The following DDX60 variants were observed in gnomAD, a reference collection of about 807,000 sequenced individuals.
The protein encoded by DDX60 is DExD/H-box helicase 60.
Under a neutral mutation model 212.8 loss-of-function variants are expected in DDX60, and 165 were observed. The observed-to-expected ratio is 0.78, with a 90% CI of 0.68 to 0.88. The LOEUF (loss-of-function observed/expected upper bound fraction) is 0.88, where lower values mean the gene tolerates loss of function less well. DDX60 is among the 40% of genes least tolerant of loss of function. The pLI, the probability that DDX60 is intolerant of heterozygous loss-of-function variation, is 0.00. For missense variants in DDX60, 1,905 were observed against 2,003.9 expected, an observed-to-expected ratio of 0.95 and a Z score of 0.94; for synonymous variants, 703 against 685.3, an observed-to-expected ratio of 1.03 and a Z score of -0.40.
chr4:168,291,089 T>C (rs1736074998), intron 8 of DDX60, among the ~76,000 whole-genome samples: 1 of 152,174 alleles, frequency 6.6e-6, no homozygotes, highest in African/African-American at 2.4e-5. Context: ...AAAGTCTTCT[T>C]AATATTCCAT....
chr4:168,271,937 A>T lies in DDX60; in HGVS notation c.2670+106T>A, dbSNP rs1735118038. Reference sequence around the variant, plus strand: ...AGGAAAAAAAAACGGAGGCCTTCTCAATCTGAACTCCATCCAAGGGGATAG... The same window carrying T: ...AGGAAAAAAAAACGGAGGCCTTCTCTATCTGAACTCCATCCAAGGGGATAG... On this transcript the variant is annotated intron_variant, in intron 19 of 37. Coordinates refer to ENST00000393743, the MANE Select transcript of DDX60 (RefSeq NM_017631.6). 3.3e-5 allele frequency: 30 copies of T among 899,116 alleles called. 2 individuals are homozygous for T. In the South Asian group the frequency reaches 5.2e-4, roughly 16 times the overall value. The allele number at this position is 899,116 out of a possible 1,614,324, so 55.7% of individuals were successfully genotyped here.
chr4:168,250,878 T>C, intron 28 of DDX60, 76 bp downstream of exon 28: 1 of 1,260,272 alleles, frequency 7.9e-7, no homozygotes, highest in Non-Finnish European at 1.1e-6. Flanking sequence ...ATGGTGGTTG[T>C]ATTCTTTACT....
intron 27 of DDX60, 100 bp from the exon 28 acceptor site, chr4:168,251,206 A>C: frequency 9.0e-7 from 1 of 1,110,130 alleles, no homozygotes; most frequent in Admixed American, 2.7e-5. Context: ...AATTTGGCTA[A>C]ACAGGCAACT....
intron 22 of DDX60, among the ~76,000 whole-genome samples, chr4:168,267,105 G>A (rs1734879596): frequency 6.6e-6 from 1 of 152,148 alleles, no homozygotes; most frequent in Non-Finnish European, 1.5e-5. Flanking sequence ...TGTCCCAGCT[G>A]AAATCTTCCT....
rs1359706217 is a variant in DDX60, at chr4:168,275,488, C to T, written c.2161G>A (p.Val721Ile). The change falls in exon 16 of 38, where the codon GTA becomes ATA. Residue 721 changes from valine (V) to isoleucine (I), a missense_variant. Transcript: ENST00000393743. ...LHPAQDAEND[V>I]KVKKRNKYSV... ...TATTTATTCCTTTTCTTCACTTTTA[C>T]ATCATTTTCTGCATCCTGCATTATT... 2 of 1,604,064 alleles carry T rather than the reference C, an allele frequency of 1.2e-6. No homozygotes were observed. The highest frequency in any genetic ancestry group is 2.7e-5 in the African/African-American group (2 of 74,712).
At chr4:168,272,008 T>TA in intron 19 of DDX60, 35 bp downstream of exon 19, 1 of 1,460,528 alleles carries the variant, frequency 6.8e-7, no homozygotes, top group Non-Finnish European at 9.4e-7. Flanking sequence ...AAGTGTGCAC[T>TA]AGGGAATTAA....
chr4:168,322,973 A>C (rs1737635364), upstream of DDX60, among the ~76,000 whole-genome samples: 1 of 152,192 alleles, frequency 6.6e-6, no homozygotes, highest in Non-Finnish European at 1.5e-5. Context: ...CCAAAAGTTA[A>C]GTGCAACTGG....
intron 5 of DDX60, among the ~76,000 whole-genome samples, chr4:168,302,702 T>C (rs888501562): frequency 6.6e-6 from 1 of 152,156 alleles, no homozygotes; most frequent in Non-Finnish European, 1.5e-5. Flanking sequence ...TCAATGGCTG[T>C]TAGTAAATTT....
intron 16 of DDX60, 141 bp downstream of exon 16, chr4:168,275,204 C>T (rs1245501507): frequency 2.5e-6 from 2 of 802,450 alleles, no homozygotes; most frequent in African/African-American, 3.5e-5. Context: ...AAAAATAGTC[C>T]ACATTTGACA....
At chr4:168,255,634 T>C (rs1734372973) in intron 26 of DDX60, 77 bp downstream of exon 26, 7 of 1,264,610 alleles carry the variant, frequency 5.5e-6, no homozygotes, top group African/African-American at 3.1e-5. Context: ...ATAGAACATA[T>C]TCAATTTACG....
At position 168,280,360 on chromosome 4, in the gene DDX60, C is replaced by A. The variant is rs1239601430; in HGVS notation, c.1953G>T (p.Trp651Cys). 6.2e-7 allele frequency: 1 copy of A among 1,613,128 alleles called. No homozygotes were observed. The highest frequency in any genetic ancestry group is 8.5e-7 in the Non-Finnish European group (1 of 1,179,714). ...MVGLTACLKA[W>C]KEHCRSEEGK... The stretch of plus-strand genomic sequence containing the variant: ...CTTCTTCACTTCGGCAATGTTCTTT[C>A]CAGGCTTTCAAGCAAGCAGTTAACC... Residue 651 changes from tryptophan to cysteine, a missense_variant, in exon 14 of 38, where the codon TGG (tryptophan) becomes TGT (cysteine). By Grantham distance (215) the Trp-to-Cys change is radical. Transcript: ENST00000393743.
chr4:168,288,073 T>G, intron 9 of DDX60, 101 bp downstream of exon 9: 1 of 708,376 alleles, frequency 1.4e-6, no homozygotes, highest in Non-Finnish European at 2.2e-6. Context: ...ATAATTGCTA[T>G]GTTATATGTT....
chr4:168,250,538 T>G (rs1734179901), intron 28 of DDX60, among the ~76,000 whole-genome samples: 1 of 151,918 alleles, frequency 6.6e-6, no homozygotes, highest in Non-Finnish European at 1.5e-5. Context: ...TTTTTTTTTT[T>G]TTTTGAGACA....
At chr4:168,233,542 A>C (rs1171845142) in intron 33 of DDX60, among the ~76,000 whole-genome samples, 1 of 152,084 alleles carries the variant, frequency 6.6e-6, no homozygotes, top group Non-Finnish European at 1.5e-5. Flanking sequence ...ATAGAAATGA[A>C]ATAAGAGCAT....
chr4:168,231,993 ACTGATAAATGAATT>A (rs1733471934), intron 33 of DDX60, among the ~76,000 whole-genome samples: 1 of 152,034 alleles, frequency 6.6e-6, no homozygotes, highest in Non-Finnish European at 1.5e-5. Context: ...AGCTCCTAGA[ACTGATAAATGAATT>A]CAGTAAAGTT....
At chr4:168,242,994 T>G (rs929434260) in intron 30 of DDX60, among the ~76,000 whole-genome samples, 5 of 152,162 alleles carry the variant, frequency 3.3e-5, no homozygotes, top group Admixed American at 2.6e-4. Context: ...GAATAAGTAT[T>G]ATGAGATCTG....
intron 30 of DDX60, 129 bp from the exon 31 acceptor site, chr4:168,237,924 G>T (rs1472765126): frequency 4.8e-6 from 3 of 630,356 alleles, no homozygotes; most frequent in Non-Finnish European, 4.9e-6. Context: ...GAAAAAATTT[G>T]ATTTCATATT....
chr4:168,277,173 T>G (rs1579037832), intron 14 of DDX60, among the ~76,000 whole-genome samples: 1 of 152,366 alleles, frequency 6.6e-6, no homozygotes, highest in East Asian at 1.9e-4. Context: ...GCCTCTTCTT[T>G]TCTTTTTTAC....
intron 22 of DDX60, among the ~76,000 whole-genome samples, chr4:168,265,984 A>G (rs570703886): frequency 3.4e-4 from 52 of 152,290 alleles, no homozygotes; most frequent in African/African-American, 1.2e-3. Context: ...GAGTTAAGTC[A>G]CAAGAATTTT....
Sources: allele counts gnomAD v4.1 joint callset (sites outside exome capture counted in the v4.1 genomes callset), GRCh38; gene constraint gnomAD v4.1.1; transcripts MANE v1.5; gene names NCBI Gene and HGNC (gene_info 2026-07-23, HGNC 2026-07-21).